The following APPL1 variants were observed in gnomAD, a reference collection of about 807,000 sequenced individuals.
The protein encoded by APPL1 is DCC-interacting protein 13-alpha.
In APPL1, 42 loss-of-function variants were observed where a neutral mutation model predicts 106.8. That is an observed-to-expected ratio of 0.39 (90% confidence interval 0.31 to 0.51). The LOEUF is 0.51. Ranked by LOEUF, APPL1 falls within the 20% of genes least tolerant of loss-of-function variation. The probability of loss-of-function intolerance (pLI) is 0.75; values close to 1 mark genes in which losing one functional copy is unlikely to be tolerated. For missense variants in APPL1, 769 were observed against 858.2 expected (o/e 0.90, Z 1.30); for synonymous variants, 263 against 281.8 (o/e 0.93, Z 0.67).
At chr3:57,267,194 G>A (rs531600459) in intron 19 of APPL1, among the ~76,000 whole-genome samples, 1 of 152,154 alleles carries the variant, frequency 6.6e-6, no homozygotes, top group Non-Finnish European at 1.5e-5. Context: ...GTAGTTTTTT[G>A]TGTAAATAAA....
At chr3:57,264,756 G>A (rs577836858) in intron 19 of APPL1, among the ~76,000 whole-genome samples, 2 of 149,562 alleles carry the variant, frequency 1.3e-5, no homozygotes, top group East Asian at 3.9e-4. Flanking sequence ...GTAGTTGTGT[G>A]GATTTGTTTC....
intron 1 of APPL1, among the ~76,000 whole-genome samples, chr3:57,232,994 T>C (rs1048277630): frequency 1.3e-5 from 2 of 151,766 alleles, no homozygotes; most frequent in African/African-American, 2.4e-5. Flanking sequence ...ACAGTGAGAC[T>C]CTGACTCAAA....
intron 15 of APPL1, among the ~76,000 whole-genome samples, chr3:57,258,579 T>TA (rs772973566): frequency 1.3e-5 from 2 of 152,258 alleles, no homozygotes; most frequent in Non-Finnish European, 2.9e-5. Flanking sequence ...CATTGTTACT[T>TA]ACGCTTTAAG....
At chr3:57,259,791 A>G (rs975475102) in intron 16 of APPL1, 54 bp from the exon 17 acceptor site, 1 of 1,344,894 alleles carries the variant, frequency 7.4e-7, no homozygotes, top group Non-Finnish European at 9.9e-7. Flanking sequence ...AAAAAATAAA[A>G]TGTAAATTTA....
rs1419353622 is a variant in APPL1 at position 57,273,221 on chromosome 3, ATTC to A, written c.*3537_*3539del. The A allele has an allele frequency of 3.9e-5, 6 of 152,756 alleles. No homozygotes were observed. Among genetic ancestry groups the A allele is most frequent in the African/African-American group, 7.2e-5 (3 of 41,576 alleles). The allele number at this position is 152,756 out of a possible 1,614,324, so 9.5% of individuals were successfully genotyped here. On this transcript the variant is annotated 3_prime_UTR_variant, in exon 22 of 22. Coordinates refer to ENST00000288266, the MANE Select transcript of APPL1 (RefSeq NM_012096.3). ...GTGATTTTGTAATGTAAGTGAATTG[ATTC>A]TTATTTCACTGATACTATTAATCAT...
rs1310338878 is a variant in APPL1 at position 57,271,689 on chromosome 3, C to T, written c.*2002C>T. 3 of 152,212 alleles carry T rather than the reference C, an allele frequency of 2.0e-5. No homozygotes were observed. The highest frequency in any genetic ancestry group is 1.3e-4 in the Admixed American group (2 of 15,290). 9.4% of individuals were successfully genotyped at this position (152,212 alleles called of 1,614,324 possible). A position where few individuals can be genotyped will look rare whatever the true frequency, so the allele number is the denominator to read the frequency against. ...TAGCAAGTGCTGCCCTTTATCAGCACCCTGGGTCATAGTGTAGGCTAGAGT... is the reference window on the plus strand; with the variant it reads ...TAGCAAGTGCTGCCCTTTATCAGCATCCTGGGTCATAGTGTAGGCTAGAGT... On this transcript the variant is annotated 3_prime_UTR_variant, in exon 22 of 22. Coordinates refer to ENST00000288266, the MANE Select transcript of APPL1 (RefSeq NM_012096.3).
chr3:57,261,426 G>T (rs991516875), intron 19 of APPL1, among the ~76,000 whole-genome samples: 1 of 152,194 alleles, frequency 6.6e-6, no homozygotes, highest in Non-Finnish European at 1.5e-5. Flanking sequence ...ACATGTGAGT[G>T]CAGGTATCCT....
At chr3:57,250,269 T>C (rs972962799) in intron 11 of APPL1, among the ~76,000 whole-genome samples, 1 of 152,076 alleles carries the variant, frequency 6.6e-6, no homozygotes, top group Non-Finnish European at 1.5e-5. Context: ...GGATCCCAAG[T>C]TGCTAGGATC....
intron 19 of APPL1, among the ~76,000 whole-genome samples, chr3:57,263,390 T>G (rs1007542122): frequency 6.6e-6 from 1 of 150,642 alleles, no homozygotes; most frequent in Non-Finnish European, 1.5e-5. Flanking sequence ...TTAACCATCC[T>G]CCCACCCCCC....
Position 57,242,075 on chromosome 3 carries a change from CTTAAATTAT to C in APPL1, c.374-24_374-16del, listed in dbSNP as rs779964601. 6.5e-7 allele frequency: 1 copy of C among 1,535,772 alleles called. No individual in the cohort carries two copies. The highest frequency in any genetic ancestry group is 8.9e-7 in the Non-Finnish European group (1 of 1,118,508). On this transcript the variant is annotated splice_polypyrimidine_tract_variant and intron_variant, in intron 5 of 21. Transcript: ENST00000288266. Reference sequence around the variant, plus strand: ...AAATGTATTTCATAAATGTGCCAAACTTAAATTATTCTTGAACTTTTTCAGAAATACTAA... The same window carrying C: ...AAATGTATTTCATAAATGTGCCAAACTCTTGAACTTTTTCAGAAATACTAA...
intron 19 of APPL1, among the ~76,000 whole-genome samples, chr3:57,263,103 G>A (rs76249609): frequency 1.3e-5 from 2 of 151,860 alleles, no homozygotes; most frequent in African/African-American, 2.4e-5. Flanking sequence ...CGCCTGCCTC[G>A]GCCTCCCAAA....
At chr3:57,249,319 G>T (rs1017496277) in intron 10 of APPL1, 41 bp from the exon 11 acceptor site, 1 of 1,606,010 alleles carries the variant, frequency 6.2e-7, no homozygotes, top group East Asian at 2.2e-5. Flanking sequence ...GAGATTTCAG[G>T]TATGTTGTTA....
At chr3:57,235,923 A>T (rs534181324) in intron 2 of APPL1, among the ~76,000 whole-genome samples, 2 of 150,942 alleles carry the variant, frequency 1.3e-5, no homozygotes, top group South Asian at 2.1e-4. Context: ...TTTGGGGGGA[A>T]CCCCCCATTA....
Position 57,228,399 on chromosome 3 carries a change from G to A in APPL1, c.54+462G>A, listed in dbSNP as rs1013032340. 6.6e-6 allele frequency among the ~76,000 whole-genome samples: 1 copy of A among 152,220 alleles called. No homozygotes were observed. Among genetic ancestry groups the A allele is most frequent in the African/African-American group, 2.4e-5 (1 of 41,462 alleles). ...AATGGATCGTTTTTCTTTGGGAGAG[G>A]CTGTAAGGTTGTGTGTGGAGCCCTA... is the stretch of plus-strand genomic sequence containing the variant. On this transcript the variant is annotated intron_variant, in intron 1 of 21. Transcript: ENST00000288266. The surrounding 1 kb of genome is among the most constrained non-coding windows in gnomAD (Gnocchi z 4.6).
chr3:57,240,468 A>G lies in APPL1; in HGVS notation c.289A>G (p.Ser97Gly), dbSNP rs757175284. Reference sequence around the variant, plus strand: ...TTTTTGGTCTTTCTTTTTCTAGCTTAGCTCTTGTCATGCAGTGCTTTCAAC... The same window carrying G: ...TTTTTGGTCTTTCTTTTTCTAGCTTGGCTCTTGTCATGCAGTGCTTTCAAC... ...QQFSKVIDELSSCHAVLSTQL... is the reference protein window; with the variant it reads ...QQFSKVIDELGSCHAVLSTQL... Residue 97 changes from serine (S) to glycine (G), a missense_variant, in exon 5 of 22, where the codon AGC becomes GGC. Transcript: ENST00000288266. 2.5e-6 allele frequency: 4 copies of G among 1,613,490 alleles called. No individual in the cohort carries two copies. Among genetic ancestry groups the G allele is most frequent in the Admixed American group, 1.7e-5 (1 of 59,978 alleles).
At chr3:57,265,686 A>G (rs1379506959) in intron 19 of APPL1, among the ~76,000 whole-genome samples, 1 of 151,998 alleles carries the variant, frequency 6.6e-6, no homozygotes, top group Non-Finnish European at 1.5e-5. Flanking sequence ...AGATCATCAT[A>G]TCATCTGCAA....
chr3:57,260,855 AC>A, intron 19 of APPL1, 81 bp downstream of exon 19: 1 of 1,297,080 alleles, frequency 7.7e-7, no homozygotes, highest in East Asian at 2.9e-5. Flanking sequence ...TTAAATTCTT[AC>A]AAATTAAATT....
intron 7 of APPL1, among the ~76,000 whole-genome samples, chr3:57,244,990 A>G (rs1008808280): frequency 6.6e-6 from 1 of 152,178 alleles, no homozygotes; most frequent in Non-Finnish European, 1.5e-5. Context: ...GTCTGGATGG[A>G]TCCTGTAGTA....
chr3:57,262,631 C>T (rs1489247494), intron 19 of APPL1, among the ~76,000 whole-genome samples: 1 of 151,602 alleles, frequency 6.6e-6, no homozygotes. Flanking sequence ...AGTGATCCAC[C>T]TGCCTTGGCC....
Sources: gnomAD v4.1 joint callset for allele counts (sites outside exome capture counted in the v4.1 genomes callset) on GRCh38, gnomAD v4.1.1 for gene constraint, Gnocchi (gnomAD v3.1) non-coding constraint, MANE v1.5 for transcripts, NCBI Gene and HGNC (gene_info 2026-07-23, HGNC 2026-07-21) for gene names.